SEC16A: variants seen among roughly 807,000 people sequenced by gnomAD.
SEC16A encodes protein transport protein Sec16A.
A neutral mutation model predicts 221.9 loss-of-function variants in SEC16A; 110 were observed. The ratio of observed to expected loss-of-function variants is 0.50; its 90% CI spans 0.42 to 0.58. The LOEUF (loss-of-function observed/expected upper bound fraction) is 0.58, where lower values mean the gene tolerates loss of function less well. Ranked by LOEUF, SEC16A falls within the 20% of genes least tolerant of loss-of-function variation. The probability of loss-of-function intolerance (pLI) is 0.00; values close to 1 mark genes in which losing one functional copy is unlikely to be tolerated. For synonymous variants in SEC16A, 1,393 were observed against 1,257.7 expected, an observed-to-expected ratio of 1.11 and a Z score of -2.28; for missense variants, 3,165 against 3,097.8, an observed-to-expected ratio of 1.02 and a Z score of -0.52.
chr9:136,442,265 T>G (rs1456607226), intron 31 of SEC16A, among the ~76,000 whole-genome samples: 1 of 152,234 alleles, frequency 6.6e-6, no homozygotes, highest in Non-Finnish European at 1.5e-5. Context: ...CCAAGGAATT[T>G]TTGTAAAGGC....
chr9:136,459,429 G>T lies in SEC16A; in HGVS notation c.5303+15C>A. Reference sequence around the variant, plus strand: ...AAAGGAAAACTTACAGGACTACACTGACTTGGTTCTTTACCTGTGATTGGA... The same window carrying T: ...AAAGGAAAACTTACAGGACTACACTTACTTGGTTCTTTACCTGTGATTGGA... On this transcript the variant is annotated intron_variant, in intron 16 of 31. Coordinates refer to ENST00000684901, the MANE Select transcript of SEC16A (RefSeq NM_014866.2). This position sits in a 1 kb window ranked among gnomAD's most constrained non-coding sequence, Gnocchi z 6.1. 1.3e-6 allele frequency: 2 copies of T among 1,576,088 alleles called. No individual in the cohort carries two copies. Among genetic ancestry groups the T allele is most frequent in the South Asian group, 2.3e-5 (2 of 87,556 alleles).
intron 30 of SEC16A, among the ~76,000 whole-genome samples, chr9:136,444,270 G>A (rs964082580): frequency 6.6e-6 from 1 of 152,134 alleles, no homozygotes; most frequent in Non-Finnish European, 1.5e-5. Context: ...GTCGCTGCAA[G>A]CCTTTCTGCT....
rs764898346 is a variant in SEC16A, at chr9:136,448,216, G to A, written c.6313-55C>T. On this transcript the variant is annotated intron_variant, in intron 23 of 31. Coordinates refer to ENST00000684901, the MANE Select transcript of SEC16A (RefSeq NM_014866.2). Reference sequence around the variant, plus strand: ...GAAAACATTATGTTCCATGAAATAAGCCAGGGCAAAAAGACAAATTCTACA... The same window carrying A: ...GAAAACATTATGTTCCATGAAATAAACCAGGGCAAAAAGACAAATTCTACA... The A allele has an allele frequency of 1.1e-5, 16 of 1,497,054 alleles. No individual in the cohort carries two copies. In the South Asian group the frequency reaches 1.4e-4, roughly 13 times the overall value. 92.7% of individuals were successfully genotyped at this position (1,497,054 alleles called of 1,614,324 possible). A position where few individuals can be genotyped will look rare whatever the true frequency, so the allele number is the denominator to read the frequency against.
Position 136,468,463 on chromosome 9 carries a change from G to C in SEC16A, c.3754C>G (p.Gln1252Glu), listed in dbSNP as rs374538142. 5.0e-6 allele frequency: 8 copies of C among 1,613,356 alleles called. No homozygotes were observed. The highest frequency in any genetic ancestry group is 6.8e-6 in the Non-Finnish European group (8 of 1,179,488). Residue 1252 changes from glutamine to glutamate, a missense_variant, in exon 5 of 32, where the codon CAG becomes GAG. Physicochemically the swap from Gln to Glu is conservative, Grantham distance 29 (BLOSUM62 2). Around this residue, in one of 3 missense-constraint regions of SEC16A, gnomAD observed 2,030 missense variants for 1,923.1 expected, o/e 1.06. Coordinates refer to ENST00000684901, the MANE Select transcript of SEC16A (RefSeq NM_014866.2). ...YYSSKSGWSS[Q>E]SDYYASYYSS... is the part of the protein sequence containing the mutation. Reference sequence around the variant, plus strand: ...TAATAGCTTGCATAGTAATCGCTCTGACTGCTCCATCCACTTTTGGAACTA... The same window carrying C: ...TAATAGCTTGCATAGTAATCGCTCTCACTGCTCCATCCACTTTTGGAACTA...
chr9:136,473,842 G>A (rs563763295), intron 3 of SEC16A, among the ~76,000 whole-genome samples: 1 of 152,352 alleles, frequency 6.6e-6, no homozygotes, highest in African/African-American at 2.4e-5. Context: ...TGTGAACTAA[G>A]GGTGGCCTGT....
At position 136,451,322 on chromosome 9, in the gene SEC16A, G is replaced by C; in HGVS notation, c.6246C>G (p.Leu2082=). ...GTCTCTTTGTTTCGGGAGCGGGTGAGAGAGACAGAGGTGGCTGCGTGGGAC... is the reference window on the plus strand; with the variant it reads ...GTCTCTTTGTTTCGGGAGCGGGTGACAGAGACAGAGGTGGCTGCGTGGGAC... ...DSGPTQPPLS[L]SPAPETKRPG... Residue 2082 remains leucine, a synonymous_variant, in exon 23 of 32, where the codon CTC becomes CTG. Transcript: ENST00000684901. The C allele has an allele frequency of 1.2e-6, 2 of 1,613,754 alleles. No individual in the cohort carries two copies. Among genetic ancestry groups the C allele is most frequent in the South Asian group, 1.1e-5 (1 of 91,034 alleles).
At chr9:136,460,448 C>CT (rs1386580570) in intron 13 of SEC16A, among the ~76,000 whole-genome samples, 2 of 151,896 alleles carry the variant, frequency 1.3e-5, no homozygotes, top group Non-Finnish European at 2.9e-5. Flanking sequence ...GAGCAAGACT[C>CT]TGTCTCAAAA....
chr9:136,475,445 G>A lies in SEC16A; in HGVS notation c.2171C>T (p.Thr724Ile). The change falls in exon 3 of 32, where the codon ACT becomes ATT. Residue 724 changes from threonine to isoleucine, a missense_variant. Transcript: ENST00000684901. The surrounding 1 kb of genome is among the most constrained non-coding windows in gnomAD (Gnocchi z 5.0). ...GPVKCESPAT[T>I]LWAQSELPDF... ...TGGCAGCTCACTTTGCGCCCACAGA[G>A]TCGTTGCTGGGCTCTCACACTTCAC... 4 of 1,610,396 alleles carry A rather than the reference G, an allele frequency of 2.5e-6. No homozygotes were observed. Among genetic ancestry groups the A allele is most frequent in the Non-Finnish European group, 3.4e-6 (4 of 1,177,668 alleles).
In SEC16A at chr9:136,462,105, C is replaced by CA. The variant is rs1278429719; in HGVS notation, c.4893+781dup. Among the ~76,000 whole-genome samples, 13 of 151,460 alleles carry CA rather than the reference C, an allele frequency of 8.6e-5. No homozygotes were observed. In the East Asian group the frequency reaches 1.2e-3, roughly 14 times the overall value. On this transcript the variant is annotated intron_variant, in intron 12 of 31. Coordinates refer to ENST00000684901, the MANE Select transcript of SEC16A (RefSeq NM_014866.2). ...CCTGGGCAAGAGTGAGACCCTGTCT[C>CA]AAAAAAAATTAAAAATAAAAAAATA...
At chr9:136,451,514 G>C in intron 22 of SEC16A, 106 bp from the exon 23 acceptor site, 1 of 1,289,062 alleles carries the variant, frequency 7.8e-7, no homozygotes. Context: ...ACATCACTGA[G>C]AGGCCGGATG....
chr9:136,462,816 G>A, intron 12 of SEC16A, 71 bp downstream of exon 12: 1 of 1,541,486 alleles, frequency 6.5e-7, no homozygotes, highest in Non-Finnish European at 8.7e-7. Context: ...CTCCCTGAAG[G>A]CTGCAACCCC....
intron 9 of SEC16A, among the ~76,000 whole-genome samples, 153 bp from the exon 10 acceptor site, chr9:136,463,893 G>A (rs1186912646): frequency 1.3e-5 from 2 of 152,254 alleles, no homozygotes; most frequent in Admixed American, 6.5e-5. Context: ...TGTCGAGGCT[G>A]TTACATGGAA....
At position 136,476,962 on chromosome 9, in the gene SEC16A, C is replaced by G. The variant is rs774958767; in HGVS notation, c.654G>C (p.Val218=). ...GLQMPGQWGP[V]QGGPQPSGQH... is the part of the protein sequence containing the mutation. ...GCCCCGAGGGCTGTGGGCCTCCCTG[C>G]ACTGGCCCCCACTGTCCTGGCATCT... is the stretch of plus-strand genomic sequence containing the variant. Residue 218 remains valine, a synonymous_variant, in exon 3 of 32, where the codon GTG becomes GTC. Coordinates refer to ENST00000684901, the MANE Select transcript of SEC16A (RefSeq NM_014866.2). The G allele has an allele frequency of 1.2e-6, 2 of 1,613,022 alleles. No individual in the cohort carries two copies. The highest frequency in any genetic ancestry group is 8.5e-7 in the Non-Finnish European group (1 of 1,179,824).
Position 136,477,059 on chromosome 9 carries a change from A to C in SEC16A, c.557T>G (p.Leu186Arg), listed in dbSNP as rs976703139. ...ACCGTCATGTGGGTTTTGCCTGCTC[A>C]GGGGTCGGTCGAGCCCAGGCATGTT... The part of the protein sequence containing the change: ...HGNMPGLDRP[L>R]SRQNPHDGVV... Residue 186 changes from leucine to arginine, a missense_variant, in exon 3 of 32, where the codon CTG becomes CGG. Around this residue, in one of 3 missense-constraint regions of SEC16A, gnomAD observed 2,030 missense variants for 1,923.1 expected, o/e 1.06. Coordinates refer to ENST00000684901, the MANE Select transcript of SEC16A (RefSeq NM_014866.2). The C allele has an allele frequency of 1.2e-6, 2 of 1,613,814 alleles. No individual in the cohort carries two copies. The highest frequency in any genetic ancestry group is 1.6e-4 in the Middle Eastern group (1 of 6,062).
intron 22 of SEC16A, among the ~76,000 whole-genome samples, chr9:136,451,762 T>C (rs1181507233): frequency 6.6e-6 from 1 of 152,122 alleles, no homozygotes; most frequent in African/African-American, 2.4e-5. Context: ...GGGCGATGGG[T>C]GTTCTCAAAG....
intron 8 of SEC16A, among the ~76,000 whole-genome samples, chr9:136,465,501 C>G (rs562310327): frequency 6.6e-6 from 1 of 152,036 alleles, no homozygotes; most frequent in Non-Finnish European, 1.5e-5. Context: ...CCATTAAATT[C>G]TGTAACTTTA....
chr9:136,465,080 C>T (rs1348044035), intron 8 of SEC16A, among the ~76,000 whole-genome samples: 15 of 152,138 alleles, frequency 9.9e-5, no homozygotes, highest in Admixed American at 9.8e-4. Flanking sequence ...CGTGCCACTG[C>T]ACTCCAGCCT....
intron 11 of SEC16A, 72 bp downstream of exon 11, chr9:136,463,391 G>A: frequency 6.4e-7 from 1 of 1,568,946 alleles, no homozygotes; most frequent in South Asian, 1.2e-5. Flanking sequence ...TGCTCCTTCG[G>A]GAGGCTGAGC....
chr9:136,480,687 C>T lies in SEC16A; in HGVS notation c.-191-1857G>A, dbSNP rs186094308. ...CGGGCAGATCAAGAGGTCAGAAGAT[C>T]GAGACCATCCTGGCTAACACGGTGA... On this transcript the variant is annotated intron_variant, in intron 1 of 31. Coordinates refer to ENST00000684901, the MANE Select transcript of SEC16A (RefSeq NM_014866.2). Among the ~76,000 whole-genome samples the T allele has an allele frequency of 5.3e-3, 807 of 152,124 alleles. 4 individuals are homozygous for T. Among genetic ancestry groups the T allele is most frequent in the Non-Finnish European group, 8.4e-3 (568 of 67,992 alleles).
Sources: allele counts gnomAD v4.1 joint callset (sites outside exome capture counted in the v4.1 genomes callset), GRCh38; gene constraint gnomAD v4.1.1; regional missense constraint gnomAD v4.1.1; non-coding constraint Gnocchi (gnomAD v3.1); transcripts MANE v1.5; gene names NCBI Gene and HGNC (gene_info 2026-07-23, HGNC 2026-07-21).